The following POU6F2 variants were observed in gnomAD, a reference collection of about 807,000 sequenced individuals.
POU6F2 encodes the protein POU class 6 homeobox 2.
Under a neutral mutation model 71.3 loss-of-function variants are expected in POU6F2, and 31 were observed. The observed-to-expected ratio is 0.43, with a 90% confidence interval of 0.33 to 0.59. The LOEUF (loss-of-function observed/expected upper bound fraction) is 0.59, where lower values mean the gene tolerates loss of function less well. Ranked by LOEUF, POU6F2 falls within the 20% of genes least tolerant of loss-of-function variation. POU6F2 has a pLI of 0.04. For synonymous variants in POU6F2, 347 were observed against 355.7 expected, an observed-to-expected ratio of 0.98 and a Z score of 0.27; for missense variants, 783 against 856.8, an observed-to-expected ratio of 0.91 and a Z score of 1.07.
chr7:39,156,038 C>CA (rs936917894), intron 2 of POU6F2, among the ~76,000 whole-genome samples: 1 of 152,076 alleles, frequency 6.6e-6, no homozygotes, highest in African/African-American at 2.4e-5. Flanking sequence ...TGTTAGTTTC[C>CA]AAAAAATACA....
chr7:39,199,890 T>C (rs1793861865), intron 2 of POU6F2, among the ~76,000 whole-genome samples: 1 of 152,222 alleles, frequency 6.6e-6, no homozygotes, highest in Admixed American at 6.5e-5. Context: ...ATTTCCATAA[T>C]AGATTCAAAA....
chr7:39,006,864 T>C, intron 1 of POU6F2: 1 of 1,613,666 alleles, frequency 6.2e-7, no homozygotes, highest in African/African-American at 1.3e-5. Context: ...GTGCTCTTCT[T>C]CAGGTATTTT....
chr7:39,394,802 C>T (rs1401914926), intron 5 of POU6F2, among the ~76,000 whole-genome samples: 1 of 152,170 alleles, frequency 6.6e-6, no homozygotes, highest in African/African-American at 2.4e-5. Context: ...ACTGAGCTAA[C>T]CAGTTCCCCA....
intron 1 of POU6F2, among the ~76,000 whole-genome samples, chr7:38,991,127 T>A (rs965604276): frequency 6.6e-6 from 1 of 152,098 alleles, no homozygotes; most frequent in Non-Finnish European, 1.5e-5. Flanking sequence ...TAGCACAAAT[T>A]ATGGGCTCAA....
At chr7:39,129,337 A>G (rs1230411597) in intron 2 of POU6F2, among the ~76,000 whole-genome samples, 1 of 152,190 alleles carries the variant, frequency 6.6e-6, no homozygotes, top group Non-Finnish European at 1.5e-5. Context: ...TGCTTAGCAT[A>G]TAGTAGTTGC....
At chr7:39,014,490 A>G (rs560445491) in intron 1 of POU6F2, among the ~76,000 whole-genome samples, 3 of 152,346 alleles carry the variant, frequency 2.0e-5, no homozygotes, top group East Asian at 1.9e-4. Context: ...TCTTTCTCCT[A>G]CGCCTTGGGT....
chr7:39,454,695 T>C (rs1187596192), intron 8 of POU6F2, among the ~76,000 whole-genome samples: 1 of 48,892 alleles, frequency 2.0e-5, no homozygotes, highest in Non-Finnish European at 4.2e-5. Flanking sequence ...TATATATATA[T>C]ATATATATAT....
intron 1 of POU6F2, among the ~76,000 whole-genome samples, chr7:39,028,568 A>G (rs1789868968): frequency 6.6e-6 from 1 of 152,064 alleles, no homozygotes; most frequent in South Asian, 2.1e-4. Context: ...TTATTTATTT[A>G]CTTATATTTG....
rs143669624 is a variant in POU6F2 at position 39,204,305 on chromosome 7, C to A, written c.348C>A (p.Pro116=). The change falls in exon 3 of 10, where the codon CCC becomes CCA. Residue 116 remains proline (P), a synonymous_variant. Coordinates refer to ENST00000518318, the MANE Select transcript of POU6F2 (RefSeq NM_001370959.1). ...PDQHQASQTH[P]PFPVGPQPLL... ...AACACCAGGCCAGTCAGACCCACCC[C>A]CCATTTCCAGTTGGGCCACAGGTCA... The A allele has an allele frequency of 1.9e-5, 31 of 1,613,638 alleles. No individual in the cohort carries two copies.
intron 1 of POU6F2, among the ~76,000 whole-genome samples, chr7:39,035,755 G>C (rs1790047749): frequency 6.6e-6 from 1 of 150,960 alleles, no homozygotes; most frequent in Non-Finnish European, 1.5e-5. Flanking sequence ...AGATAACATT[G>C]CTCCCTAGCT....
intron 1 of POU6F2, among the ~76,000 whole-genome samples, chr7:39,056,304 C>G (rs1230396692): frequency 1.3e-5 from 2 of 151,692 alleles, no homozygotes; most frequent in Admixed American, 6.6e-5. Flanking sequence ...TCTGTCAACT[C>G]CTATTTTATC....
intron 2 of POU6F2, among the ~76,000 whole-genome samples, chr7:39,177,499 G>A (rs184263458): frequency 2.2e-4 from 33 of 152,294 alleles, no homozygotes; most frequent in Admixed American, 1.0e-3. Context: ...GGAAAGAAGC[G>A]AAAGAAAAAT....
At chr7:39,342,388 A>G (rs2115630899) in intron 5 of POU6F2, among the ~76,000 whole-genome samples, 1 of 152,354 alleles carries the variant, frequency 6.6e-6, no homozygotes, top group Non-Finnish European at 1.5e-5. Context: ...TAACTCTCCA[A>G]ACTAATGATC....
At chr7:39,331,712 C>T (rs570463239) in intron 4 of POU6F2, among the ~76,000 whole-genome samples, 26 of 152,088 alleles carry the variant, frequency 1.7e-4, no homozygotes, top group East Asian at 3.9e-4. Context: ...GGTTTCACCA[C>T]GTTGGCCAGG....
At position 39,466,641 on chromosome 7, in the gene POU6F2, T is replaced by G. The variant is rs1216524513; in HGVS notation, c.*1955T>G. On this transcript the variant is annotated 3_prime_UTR_variant, in exon 10 of 10. Transcript: ENST00000518318. Reference sequence around the variant, plus strand: ...GGGAGTTTGAGTTTCTTCTGTTGGCTCCTTTGCTGTTTGTGTAAATGCTAC... The same window carrying G: ...GGGAGTTTGAGTTTCTTCTGTTGGCGCCTTTGCTGTTTGTGTAAATGCTAC... The G allele has an allele frequency of 2.6e-5, 4 of 152,236 alleles. No homozygotes were observed. The highest frequency in any genetic ancestry group is 9.6e-5 in the African/African-American group (4 of 41,456). 9.4% of individuals were successfully genotyped at this position (152,236 alleles called of 1,614,324 possible).
intron 2 of POU6F2, 130 bp from the exon 3 acceptor site, chr7:39,204,105 T>G (rs548540947): frequency 2.6e-6 from 2 of 778,640 alleles, no homozygotes; most frequent in Non-Finnish European, 4.4e-6. Flanking sequence ...ATGTATGCAG[T>G]TGATAAGTGA....
At chr7:38,983,561 C>T (rs1430313086) in intron 1 of POU6F2, among the ~76,000 whole-genome samples, 2 of 152,128 alleles carry the variant, frequency 1.3e-5, no homozygotes, top group Non-Finnish European at 2.9e-5. Context: ...ATTTCTTCTG[C>T]ATCTCAATTT....
chr7:38,997,535 G>C (rs1431050987), intron 1 of POU6F2, among the ~76,000 whole-genome samples: 2 of 152,106 alleles, frequency 1.3e-5, no homozygotes, highest in Non-Finnish European at 2.9e-5. Flanking sequence ...TCCACATTCT[G>C]TTTTCTTTTA....
intron 4 of POU6F2, among the ~76,000 whole-genome samples, chr7:39,316,982 C>G (rs1027751849): frequency 6.6e-6 from 1 of 152,154 alleles, no homozygotes; most frequent in Non-Finnish European, 1.5e-5. Flanking sequence ...AAAAGCTTCC[C>G]AGTGACATGG....
Sources: gnomAD v4.1 joint callset for allele counts (sites outside exome capture counted in the v4.1 genomes callset) on GRCh38, gnomAD v4.1.1 for gene constraint, MANE v1.5 for transcripts, NCBI Gene and HGNC (gene_info 2026-07-23, HGNC 2026-07-21) for gene names.